The following FECH variants were observed in gnomAD, a reference collection of about 807,000 sequenced individuals.
FECH encodes ferrochelatase, mitochondrial.
In FECH, 40 loss-of-function variants were observed where a neutral mutation model predicts 56.9. That is an observed-to-expected ratio of 0.70 (90% CI 0.55 to 0.92). The LOEUF (loss-of-function observed/expected upper bound fraction) is 0.92. Among genes scored for constraint, FECH ranks in the 40% least tolerant of loss-of-function variants. FECH has a pLI of 0.00. For synonymous variants in FECH, 175 were observed against 198.6 expected, an observed-to-expected ratio of 0.88 and a Z score of 1.00; for missense variants, 431 against 529.1, an observed-to-expected ratio of 0.81 and a Z score of 1.82.
At chr18:57,570,532 C>G (rs1279992733) in intron 4 of FECH, among the ~76,000 whole-genome samples, 1 of 152,224 alleles carries the variant, frequency 6.6e-6, no homozygotes, top group Non-Finnish European at 1.5e-5. Flanking sequence ...CCTAGTGGAG[C>G]TGTTCTCCCT....
chr18:57,559,404 G>A (rs1159817610), intron 6 of FECH, among the ~76,000 whole-genome samples, 161 bp from the exon 7 acceptor site: 1 of 152,198 alleles, frequency 6.6e-6, no homozygotes, highest in Admixed American at 6.5e-5. Context: ...CAGCCTCTCA[G>A]CATTGGTTTA....
intron 7 of FECH, 27 bp downstream of exon 7, chr18:57,559,118 G>A (rs771452975): frequency 1.4e-6 from 2 of 1,443,424 alleles, no homozygotes; most frequent in Admixed American, 1.7e-5. Flanking sequence ...CTATCACTAG[G>A]TCATCCCAGA....
intron 2 of FECH, among the ~76,000 whole-genome samples, chr18:57,575,365 A>AT (rs2051170475): frequency 6.6e-6 from 1 of 152,160 alleles, no homozygotes; most frequent in African/African-American, 2.4e-5. Context: ...GACTAAACCA[A>AT]TGCTGCTGAG....
Position 57,580,279 on chromosome 18 carries a change from T to C in FECH, c.68-80A>G, listed in dbSNP as rs115118706. ...GAAGAGGTCCTCAGAGCATAATTCC[T>C]GACTTTAAAATTTAAAGAGATCCCA... On this transcript the variant is annotated intron_variant, in intron 1 of 10. Transcript: ENST00000262093. The C allele has an allele frequency of 1.1e-3, 1,684 of 1,558,838 alleles. 17 individuals carry two copies. In the African/African-American group the frequency reaches 0.02, roughly 19 times the overall value.
rs1002611403 is a variant in FECH, at chr18:57,581,434, G to A, written c.68-1235C>T. ...AGTACTGAAGATGGCCATGTGAGACGGTGGTTACTGTGGTGCCTGGTGCTA... is the reference window on the plus strand; with the variant it reads ...AGTACTGAAGATGGCCATGTGAGACAGTGGTTACTGTGGTGCCTGGTGCTA... On this transcript the variant is annotated intron_variant, in intron 1 of 10. Transcript: ENST00000262093. Among the ~76,000 whole-genome samples, 15 of 152,288 alleles carry A rather than the reference G, an allele frequency of 9.8e-5. 1 individual carries two copies. The highest frequency in any genetic ancestry group is 4.1e-4 in the South Asian group (2 of 4,820).
rs1305971851 is a variant in FECH at position 57,565,045 on chromosome 18, T to C, written c.598+1402A>G. 1.3e-5 allele frequency among the ~76,000 whole-genome samples: 2 copies of C among 152,210 alleles called. 1 individual carries two copies. Among genetic ancestry groups the C allele is most frequent in the Non-Finnish European group, 2.9e-5 (2 of 68,032 alleles). Reference sequence around the variant, plus strand: ...TGTACCTGTCCTTACATGAGATACATTCAAGAAAAACTAAGCATACAGTGA... The same window carrying C: ...TGTACCTGTCCTTACATGAGATACACTCAAGAAAAACTAAGCATACAGTGA... On this transcript the variant is annotated intron_variant, in intron 5 of 10. Coordinates refer to ENST00000262093, the MANE Select transcript of FECH (RefSeq NM_000140.5).
intron 6 of FECH, among the ~76,000 whole-genome samples, chr18:57,560,435 G>T (rs1217899548): frequency 6.6e-6 from 1 of 152,222 alleles, no homozygotes; most frequent in East Asian, 1.9e-4. Context: ...ACGACTGCTG[G>T]AGCCCAGAAG....
At chr18:57,558,028 G>A (rs1021171882) in intron 7 of FECH, among the ~76,000 whole-genome samples, 4 of 152,212 alleles carry the variant, frequency 2.6e-5, no homozygotes, top group South Asian at 2.1e-4. Flanking sequence ...CAGCAGAGAC[G>A]ATGAGTGGAA....
chr18:57,562,926 G>A lies in FECH; in HGVS notation c.653C>T (p.Thr218Met), dbSNP rs1215636785. 9.3e-6 allele frequency: 15 copies of A among 1,613,932 alleles called. No individual in the cohort carries two copies. Among genetic ancestry groups the A allele is most frequent in the African/African-American group, 5.3e-5 (4 of 74,876 alleles). Residue 218 changes from threonine (T) to methionine (M), a missense_variant, in exon 6 of 11, where the codon ACG (threonine) becomes ATG (methionine). Transcript: ENST00000262093. ...CCTGTCAATAGTGCTCCACTTCATC[G>A]TGGGCTTCCGTCCCACTTGATTATA... The part of the protein sequence containing the change: ...RYYNQVGRKP[T>M]MKWSTIDRWP...
rs368187909 is a variant in FECH at position 57,571,370 on chromosome 18, T to G, written c.463+22A>C. 1.9e-6 allele frequency: 3 copies of G among 1,612,276 alleles called. No homozygotes were observed. The African/African-American group carries it at 4.0e-5, about 22-fold the overall frequency. On this transcript the variant is annotated intron_variant, in intron 4 of 10. Transcript: ENST00000262093. ...CTTCGAAAGAACTAATCTAGTTACA[T>G]GTTAATGAAGAAACACCATACCTGT...
chr18:57,579,279 G>GTATATCTATATATA (rs764658724), intron 2 of FECH, among the ~76,000 whole-genome samples: 2 of 112,636 alleles, frequency 1.8e-5, no homozygotes, highest in Non-Finnish European at 3.7e-5. Context: ...ATATATGTGT[G>GTATATCTATATATA]TGTGTATATA....
chr18:57,578,399 G>C (rs1025159599), intron 2 of FECH, among the ~76,000 whole-genome samples: 10 of 152,188 alleles, frequency 6.6e-5, no homozygotes, highest in African/African-American at 2.2e-4. Context: ...GGTGGCTCGT[G>C]GCTCATGGCT....
At position 57,571,326 on chromosome 18, in the gene FECH, CTT is replaced by C. The variant is rs1041489411; in HGVS notation, c.463+64_463+65del. ...TATGAAGCATTTAGCATCTACTACT[CTT>C]TTGAATTTCATAACTACTTCGAAAG... On this transcript the variant is annotated intron_variant, in intron 4 of 10. Transcript: ENST00000262093. 47 of 1,555,722 alleles carry C rather than the reference CTT, an allele frequency of 3.0e-5. No individual in the cohort carries two copies. In the South Asian group the frequency reaches 3.4e-4, roughly 11 times the overall value.
At chr18:57,580,735 C>T (rs1275618818) in intron 1 of FECH, among the ~76,000 whole-genome samples, 1 of 152,124 alleles carries the variant, frequency 6.6e-6, no homozygotes, top group African/African-American at 2.4e-5. Context: ...GCCCTCCTCC[C>T]ACTGCACCCC....
rs1275998124 is a variant in FECH at position 57,573,060 on chromosome 18, T to G, written c.314+186A>C. Reference sequence around the variant, plus strand: ...GGCTCAAGGAGAATCCCCACTAACTTATTTGCTCTCTCCCCCTGCAATTTT... The same window carrying G: ...GGCTCAAGGAGAATCCCCACTAACTGATTTGCTCTCTCCCCCTGCAATTTT... On this transcript the variant is annotated intron_variant, in intron 3 of 10. Coordinates refer to ENST00000262093, the MANE Select transcript of FECH (RefSeq NM_000140.5). The G allele has an allele frequency of 2.0e-5, 13 of 651,408 alleles. No homozygotes were observed. The East Asian group carries it at 3.7e-4, about 18-fold the overall frequency. 40.4% of individuals were successfully genotyped at this position (651,408 alleles called of 1,614,324 possible). A position where few individuals can be genotyped will look rare whatever the true frequency, so the allele number is the denominator to read the frequency against.
intron 2 of FECH, among the ~76,000 whole-genome samples, chr18:57,579,299 G>GTC (rs1247712595): frequency 4.0e-4 from 55 of 137,844 alleles, no homozygotes; most frequent in African/African-American, 1.4e-3. Flanking sequence ...ATGTGTGTGT[G>GTC]TGTGTGTGTG....
At chr18:57,584,619 G>A (rs1299204742) in intron 1 of FECH, among the ~76,000 whole-genome samples, 2 of 151,918 alleles carry the variant, frequency 1.3e-5, no homozygotes, top group East Asian at 3.9e-4. Context: ...TCACATAGGA[G>A]ATGAGGATTA....
intron 7 of FECH, among the ~76,000 whole-genome samples, chr18:57,556,603 A>C (rs1212664674): frequency 1.3e-5 from 2 of 152,100 alleles, no homozygotes; most frequent in Non-Finnish European, 2.9e-5. Flanking sequence ...CATCCTAAAA[A>C]TGACTCCTCA....
rs371854706 is a variant in FECH, at chr18:57,559,210, G to C, written c.739C>G (p.His247Asp). ...TCGCTTCTCTTCTCAAGTGGAAAAT[G>C]GTCCAGTTCCTTTAGAATATGATCT... ...FADHILKELD[H>D]FPLEKRSEVV... The change falls in exon 7 of 11, where the codon CAT becomes GAT. Residue 247 changes from histidine to aspartate, a missense_variant. By Grantham distance (81) the His-to-Asp change is moderately conservative. Transcript: ENST00000262093. 131 of 1,613,488 alleles carry C rather than the reference G, an allele frequency of 8.1e-5. No homozygotes were observed. The highest frequency in any genetic ancestry group is 1.1e-4 in the Non-Finnish European group (129 of 1,179,642).
Sources: gnomAD v4.1 joint callset for allele counts (sites outside exome capture counted in the v4.1 genomes callset) on GRCh38, gnomAD v4.1.1 for gene constraint, MANE v1.5 for transcripts, NCBI Gene and HGNC (gene_info 2026-07-23, HGNC 2026-07-21) for gene names.